VAV3: variants seen among roughly 807,000 people sequenced by gnomAD.
The protein encoded by VAV3 is vav guanine nucleotide exchange factor 3.
In VAV3, 94 loss-of-function variants were observed where a neutral mutation model predicts 131.2. That is an observed-to-expected ratio of 0.72 (90% confidence interval 0.61 to 0.85). The LOEUF (loss-of-function observed/expected upper bound fraction) is 0.85. VAV3 is among the 40% of genes least tolerant of loss of function. VAV3 has a pLI of 0.00. For synonymous variants in VAV3, 349 were observed against 342.0 expected, an observed-to-expected ratio of 1.02 and a Z score of -0.22; for missense variants, 939 against 1,002.7, an observed-to-expected ratio of 0.94 and a Z score of 0.86.
chr1:107,678,487 AT>A (rs1461551360), intron 19 of VAV3, among the ~76,000 whole-genome samples: 1 of 152,134 alleles, frequency 6.6e-6, no homozygotes, highest in Non-Finnish European at 1.5e-5. Context: ...GATAAAATGT[AT>A]TTTTAGATAA....
intron 1 of VAV3, among the ~76,000 whole-genome samples, chr1:107,913,949 C>A (rs1394722646): frequency 6.6e-6 from 1 of 152,130 alleles, no homozygotes; most frequent in African/African-American, 2.4e-5. Flanking sequence ...CACCTGCCAC[C>A]ACGCCCAGCT....
intron 1 of VAV3, among the ~76,000 whole-genome samples, chr1:107,929,745 A>G (rs1673332273): frequency 6.6e-6 from 1 of 152,186 alleles, no homozygotes; most frequent in African/African-American, 2.4e-5. Context: ...GCTTGTGCAA[A>G]CAGTTTTGTT....
At chr1:107,579,861 C>G (rs927319705) in intron 25 of VAV3, among the ~76,000 whole-genome samples, 2 of 152,162 alleles carry the variant, frequency 1.3e-5, no homozygotes, top group African/African-American at 4.8e-5. Context: ...CCTCCTGAGG[C>G]CCTCAGCTAC....
intron 1 of VAV3, among the ~76,000 whole-genome samples, chr1:107,877,926 A>G (rs886264555): frequency 6.6e-6 from 1 of 152,128 alleles, no homozygotes; most frequent in Admixed American, 6.6e-5. Context: ...CTCTGTGCAC[A>G]TATAGGAACA....
Position 107,715,671 on chromosome 1 carries a change from T to C in VAV3, c.1503-10610A>G, listed in dbSNP as rs556307700. ...ACTTCAATTTTTCCATTAAAATGCA[T>C]TGTTCATTCTCTTATCACTGAACGG... On this transcript the variant is annotated intron_variant, in intron 15 of 26. Transcript: ENST00000370056. Among the ~76,000 whole-genome samples the C allele has an allele frequency of 3.3e-5, 5 of 152,314 alleles. No individual in the cohort carries two copies. In the South Asian group the frequency reaches 6.2e-4, roughly 19 times the overall value.
At chr1:107,603,357 C>G (rs993676827) in intron 22 of VAV3, among the ~76,000 whole-genome samples, 194 bp from the exon 23 acceptor site, 1 of 152,090 alleles carries the variant, frequency 6.6e-6, no homozygotes, top group African/African-American at 2.4e-5. Flanking sequence ...CTCTACAAAA[C>G]TAACAACAGC....
chr1:107,667,478 T>C (rs573044656), intron 19 of VAV3, among the ~76,000 whole-genome samples: 1 of 152,304 alleles, frequency 6.6e-6, no homozygotes, highest in African/African-American at 2.4e-5. Context: ...AATGTCTCCA[T>C]ATGTGCCTAG....
At chr1:107,613,922 T>C (rs1412182819) in intron 21 of VAV3, among the ~76,000 whole-genome samples, 2 of 152,182 alleles carry the variant, frequency 1.3e-5, no homozygotes, top group African/African-American at 4.8e-5. Flanking sequence ...AGTGGAATAA[T>C]CTGGAATAAT....
intron 2 of VAV3, chr1:107,785,381 C>A (rs1227337132): frequency 1.6e-6 from 2 of 1,264,432 alleles, no homozygotes; most frequent in Non-Finnish European, 2.1e-6. Flanking sequence ...TTAACCCATA[C>A]CAGACCCAAA....
chr1:107,614,914 A>G (rs1334709630), intron 21 of VAV3, among the ~76,000 whole-genome samples: 1 of 152,094 alleles, frequency 6.6e-6, no homozygotes, highest in Non-Finnish European at 1.5e-5. Context: ...TAGGTTCCCA[A>G]ACTTCTTAAT....
At chr1:107,737,607 C>T (rs574578051) in intron 15 of VAV3, among the ~76,000 whole-genome samples, 2 of 152,174 alleles carry the variant, frequency 1.3e-5, no homozygotes, top group Non-Finnish European at 2.9e-5. Context: ...TGAAAAAATG[C>T]TCATCATCAC....
At chr1:107,933,285 T>G (rs188342581) in intron 1 of VAV3, among the ~76,000 whole-genome samples, 1,911 of 137,916 alleles carry the variant, frequency 0.014, 20 homozygotes, top group Non-Finnish European at 0.021. Flanking sequence ...TTTTTTTGTG[T>G]TTTTTTTTTT....
At chr1:107,749,434 T>G in intron 14 of VAV3, 28 bp downstream of exon 14, 1 of 1,576,468 alleles carries the variant, frequency 6.3e-7, no homozygotes, top group Non-Finnish European at 8.6e-7. Context: ...TATAAGTAAA[T>G]TACAGTTATT....
At chr1:107,614,696 T>G (rs563395134) in intron 21 of VAV3, among the ~76,000 whole-genome samples, 2 of 152,284 alleles carry the variant, frequency 1.3e-5, no homozygotes, top group Non-Finnish European at 2.9e-5. Flanking sequence ...CTACCATTGC[T>G]AATGTTCTAT....
intron 20 of VAV3, among the ~76,000 whole-genome samples, chr1:107,626,198 C>T (rs766342184): frequency 6.6e-5 from 10 of 152,164 alleles, no homozygotes; most frequent in Admixed American, 1.3e-4. Context: ...TGTCAGGAGG[C>T]CTGCCAATTC....
intron 20 of VAV3, among the ~76,000 whole-genome samples, chr1:107,629,908 A>G (rs557692617): frequency 6.6e-6 from 1 of 152,328 alleles, no homozygotes; most frequent in South Asian, 2.1e-4. Context: ...ACAGTCTACT[A>G]CAAAATCTGA....
chr1:107,949,441 G>T (rs1418173327), intron 1 of VAV3, among the ~76,000 whole-genome samples: 2 of 151,992 alleles, frequency 1.3e-5, no homozygotes, highest in Non-Finnish European at 2.9e-5. Context: ...CTCCCAAGTT[G>T]CTGGGAGTAC....
At chr1:107,713,198 T>A (rs563827584) in intron 15 of VAV3, among the ~76,000 whole-genome samples, 1 of 152,276 alleles carries the variant, frequency 6.6e-6, no homozygotes, top group East Asian at 1.9e-4. Flanking sequence ...CATTTAAATG[T>A]AAAATTTAGA....
chr1:107,576,241 A>G (rs1649638139), intron 25 of VAV3: 1 of 574,892 alleles, frequency 1.7e-6, no homozygotes, highest in South Asian at 3.1e-5. Context: ...GGTGACTATG[A>G]CAGAGAAGAG....
Sources: gnomAD v4.1 joint callset for allele counts (sites outside exome capture counted in the v4.1 genomes callset) on GRCh38, gnomAD v4.1.1 for gene constraint, MANE v1.5 for transcripts, NCBI Gene and HGNC (gene_info 2026-07-23, HGNC 2026-07-21) for gene names.